Variants in RARB observed in about 807,000 individuals in gnomAD.
RARB encodes the protein HBV-activated protein.
Under a neutral mutation model 51.9 loss-of-function variants are expected in RARB, and 17 were observed. That is an observed-to-expected ratio of 0.33 (90% CI 0.22 to 0.49). RARB has a LOEUF of 0.49. Among genes scored for constraint, RARB ranks in the 20% least tolerant of loss-of-function variants. RARB has a pLI of 0.99. For synonymous variants in RARB, 215 were observed against 195.4 expected, an observed-to-expected ratio of 1.10 and a Z score of -0.84; for missense variants, 369 against 550.8, an observed-to-expected ratio of 0.67 and a Z score of 3.30.
chr3:25,549,143 C>T (rs771431724), intron 3 of RARB, among the ~76,000 whole-genome samples: 1 of 151,768 alleles, frequency 6.6e-6, no homozygotes, highest in Non-Finnish European at 1.5e-5. Flanking sequence ...CAAGCAATAG[C>T]ACTTAAAAGG....
intron 3 of RARB, among the ~76,000 whole-genome samples, chr3:25,504,111 G>T (rs1420411307): frequency 6.6e-6 from 1 of 152,190 alleles, no homozygotes; most frequent in Non-Finnish European, 1.5e-5. Flanking sequence ...AGAAAACCCA[G>T]CTCAAACTGG....
intron 5 of RARB, among the ~76,000 whole-genome samples, chr3:25,261,795 T>A (rs1188967997): frequency 6.6e-6 from 1 of 152,170 alleles, no homozygotes; most frequent in African/African-American, 2.4e-5. Context: ...TTCTTTACCT[T>A]CATGCCTTAC....
intron 3 of RARB, among the ~76,000 whole-genome samples, chr3:25,534,596 A>G (rs1205764962): frequency 2.6e-5 from 4 of 152,200 alleles, no homozygotes; most frequent in Non-Finnish European, 5.9e-5. Context: ...CCCCCGGCAC[A>G]GTGTTTGCTG....
chr3:25,436,094 T>A (rs1193823339), intron 1 of RARB, among the ~76,000 whole-genome samples: 1 of 152,208 alleles, frequency 6.6e-6, no homozygotes, highest in Non-Finnish European at 1.5e-5. Flanking sequence ...ATTAAGATCG[T>A]CAGGGGTTTC....
At chr3:25,346,487 T>G (rs567821533) in intron 5 of RARB, among the ~76,000 whole-genome samples, 4 of 151,826 alleles carry the variant, frequency 2.6e-5, no homozygotes, top group African/African-American at 9.7e-5. Context: ...TTATTGAATT[T>G]ATTGCTTTTT....
intron 5 of RARB, among the ~76,000 whole-genome samples, chr3:25,195,101 A>G (rs559456845): frequency 1.3e-5 from 2 of 152,164 alleles, no homozygotes; most frequent in East Asian, 3.9e-4. Context: ...AAGGCAAAAG[A>G]CATTTCATGG....
At chr3:25,063,079 A>G (rs1196569264) in intron 3 of RARB, among the ~76,000 whole-genome samples, 2 of 151,928 alleles carry the variant, frequency 1.3e-5, no homozygotes, top group Non-Finnish European at 2.9e-5. Context: ...TCTTAGAGAC[A>G]AGGAATAATA....
chr3:24,963,911 C>G (rs1474827659), intron 2 of RARB, among the ~76,000 whole-genome samples: 1 of 152,160 alleles, frequency 6.6e-6, no homozygotes, highest in Non-Finnish European at 1.5e-5. Flanking sequence ...TTTACCTTCC[C>G]TTTTAAAAGC....
At chr3:25,248,188 A>C (rs527898956) in intron 5 of RARB, among the ~76,000 whole-genome samples, 30 of 151,688 alleles carry the variant, frequency 2.0e-4, no homozygotes, top group African/African-American at 7.3e-4. Flanking sequence ...AAGTATAGCT[A>C]CTCCTGCTCA....
chr3:25,088,737 T>C (rs925791733), intron 3 of RARB, among the ~76,000 whole-genome samples: 3 of 152,176 alleles, frequency 2.0e-5, no homozygotes, highest in Non-Finnish European at 4.4e-5. Flanking sequence ...CAGATATATT[T>C]GCTATTCCAA....
chr3:24,935,304 CAG>C (rs2125396265), intron 2 of RARB, among the ~76,000 whole-genome samples: 1 of 152,140 alleles, frequency 6.6e-6, no homozygotes, highest in South Asian at 2.1e-4. Flanking sequence ...AAAAAGAAAA[CAG>C]TACTTAATTT....
At chr3:24,974,512 A>G (rs1696468781) in intron 2 of RARB, among the ~76,000 whole-genome samples, 1 of 152,086 alleles carries the variant, frequency 6.6e-6, no homozygotes, top group Non-Finnish European at 1.5e-5. Flanking sequence ...ACATGATCCA[A>G]CTGACTCAGC....
At chr3:25,071,012 C>A (rs1258931318) in intron 3 of RARB, among the ~76,000 whole-genome samples, 1 of 152,170 alleles carries the variant, frequency 6.6e-6, no homozygotes, top group Non-Finnish European at 1.5e-5. Context: ...CTAGATCTAC[C>A]ATGCTTCTTC....
intron 2 of RARB, among the ~76,000 whole-genome samples, chr3:24,937,451 C>A (rs533575424): frequency 6.6e-6 from 1 of 152,094 alleles, no homozygotes; most frequent in Non-Finnish European, 1.5e-5. Context: ...TCCTTACTAC[C>A]CTCTCCCAGC....
chr3:25,515,403 T>C (rs145462513), intron 3 of RARB, among the ~76,000 whole-genome samples: 1 of 152,250 alleles, frequency 6.6e-6, no homozygotes, highest in African/African-American at 2.4e-5. Flanking sequence ...TATGACTGAG[T>C]GGTTATATTC....
intron 5 of RARB, among the ~76,000 whole-genome samples, chr3:25,294,733 A>G (rs1703877786): frequency 8.1e-6 from 1 of 123,054 alleles, no homozygotes; most frequent in African/African-American, 3.6e-5. Context: ...GAAGCTTCCT[A>G]GAAGTCATTT....
chr3:25,210,261 C>G (rs991205841), intron 5 of RARB, among the ~76,000 whole-genome samples: 1 of 152,148 alleles, frequency 6.6e-6, no homozygotes, highest in Non-Finnish European at 1.5e-5. Context: ...TATCATTTCT[C>G]CTTCCTGTCC....
At chr3:25,440,769 TC>T (rs1405338765) in intron 1 of RARB, among the ~76,000 whole-genome samples, 1 of 150,424 alleles carries the variant, frequency 6.6e-6, no homozygotes, top group Non-Finnish European at 1.5e-5. Flanking sequence ...TAAGACACCG[TC>T]CCCCCCAAAA....
chr3:25,116,353 T>C (rs1699686903), intron 3 of RARB, among the ~76,000 whole-genome samples: 1 of 151,828 alleles, frequency 6.6e-6, no homozygotes, highest in African/African-American at 2.4e-5. Flanking sequence ...ACCCTTCCCT[T>C]TTTTTTTCCC....
Sources: gnomAD v4.1 joint callset for allele counts (sites outside exome capture counted in the v4.1 genomes callset) on GRCh38, gnomAD v4.1.1 for gene constraint, MANE v1.5 for transcripts, NCBI Gene and HGNC (gene_info 2026-07-23, HGNC 2026-07-21) for gene names.